HEMK2: variants seen among roughly 807,000 people sequenced by gnomAD.
The protein encoded by HEMK2 is HemK methyltransferase 2, ETF1 glutamine and histone H4 lysine.
the HEMK2 span, among the ~76,000 whole-genome samples, chr21:28,824,841 A>G: frequency 6.6e-6 from 1 of 151,998 alleles, no homozygotes; most frequent in Non-Finnish European, 1.5e-5. Context: ...CTATTTCTCC[A>G]TTTTTCTGTC....
the HEMK2 span, among the ~76,000 whole-genome samples, chr21:28,786,874 T>C: frequency 1.3e-5 from 2 of 152,140 alleles, no homozygotes; most frequent in Non-Finnish European, 2.9e-5. Flanking sequence ...ACAAATTCAA[T>C]GCAATCTCCA....
chr21:28,608,411 C>T, the HEMK2 span, among the ~76,000 whole-genome samples: 1 of 149,686 alleles, frequency 6.7e-6, no homozygotes, highest in South Asian at 2.1e-4. Context: ...AAAAGAAATG[C>T]GATACCAGAA....
At chr21:28,687,209 T>C in the HEMK2 span, among the ~76,000 whole-genome samples, 1,021 of 152,332 alleles carry the variant, frequency 6.7e-3, 11 homozygotes, top group African/African-American at 0.023. Flanking sequence ...TACTTTAAAG[T>C]AAATTACAGA....
At chr21:28,854,719 C>A in the HEMK2 span, among the ~76,000 whole-genome samples, 1 of 152,146 alleles carries the variant, frequency 6.6e-6, no homozygotes, top group East Asian at 1.9e-4. Flanking sequence ...AGGCCAGTTT[C>A]TCTTTTCACA....
At chr21:28,628,907 T>C in the HEMK2 span, among the ~76,000 whole-genome samples, 35 of 152,352 alleles carry the variant, frequency 2.3e-4, no homozygotes, top group South Asian at 7.0e-3. Flanking sequence ...CATAATTTAT[T>C]GAGCTTGCAG....
chr21:28,576,819 C>T, the HEMK2 span, among the ~76,000 whole-genome samples: 1 of 152,022 alleles, frequency 6.6e-6, no homozygotes, highest in South Asian at 2.1e-4. Flanking sequence ...CAAGCAATTC[C>T]CCTGTCTCCA....
the HEMK2 span, among the ~76,000 whole-genome samples, chr21:28,675,174 T>C: frequency 6.6e-6 from 1 of 152,228 alleles, no homozygotes; most frequent in South Asian, 2.1e-4. Flanking sequence ...GTCTTCCTCA[T>C]ACAAGATAGA....
At chr21:28,583,218 T>C in the HEMK2 span, among the ~76,000 whole-genome samples, 1 of 152,324 alleles carries the variant, frequency 6.6e-6, no homozygotes, top group Non-Finnish European at 1.5e-5. Flanking sequence ...TTAATGATTA[T>C]AAAATAAAAA....
chr21:28,782,754 G>T, the HEMK2 span, among the ~76,000 whole-genome samples: 1 of 152,148 alleles, frequency 6.6e-6, no homozygotes, highest in African/African-American at 2.4e-5. Context: ...TTGTAGAAAT[G>T]ATTGTGCTGA....
chr21:28,631,823 C>T, the HEMK2 span, among the ~76,000 whole-genome samples: 1 of 151,638 alleles, frequency 6.6e-6, no homozygotes, highest in East Asian at 1.9e-4. Context: ...GGAGCCTAAC[C>T]TCTTAGATTT....
the HEMK2 span, among the ~76,000 whole-genome samples, chr21:28,792,212 T>C: frequency 6.6e-6 from 1 of 152,114 alleles, no homozygotes; most frequent in Non-Finnish European, 1.5e-5. Flanking sequence ...GTTTAGCATA[T>C]GATCAAAAAA....
chr21:28,850,370 G>A, the HEMK2 span, among the ~76,000 whole-genome samples: 3 of 151,782 alleles, frequency 2.0e-5, no homozygotes, highest in Non-Finnish European at 4.4e-5. Context: ...GACTACAGGC[G>A]CCCGCCACCA....
At chr21:28,746,390 T>C in the HEMK2 span, among the ~76,000 whole-genome samples, 4 of 152,176 alleles carry the variant, frequency 2.6e-5, no homozygotes, top group African/African-American at 7.2e-5. Context: ...ACATAAAGCA[T>C]AGACATAGCA....
At chr21:28,884,721 T>C in the HEMK2 span, among the ~76,000 whole-genome samples, 1 of 152,220 alleles carries the variant, frequency 6.6e-6, no homozygotes, top group African/African-American at 2.4e-5. Context: ...TAGAGTATGC[T>C]ATTCAGTGGG....
At chr21:28,581,213 C>T in the HEMK2 span, among the ~76,000 whole-genome samples, 2 of 146,594 alleles carry the variant, frequency 1.4e-5, no homozygotes, top group East Asian at 3.9e-4. Context: ...CAGTTTGGTG[C>T]AAAAGTATGG....
At chr21:28,634,586 T>C in the HEMK2 span, among the ~76,000 whole-genome samples, 434 of 152,294 alleles carry the variant, frequency 2.8e-3, 4 homozygotes, top group Middle Eastern at 0.014. Context: ...CTGTGTATTC[T>C]TGTACTCTCT....
At chr21:28,831,322 T>C in the HEMK2 span, among the ~76,000 whole-genome samples, 34,874 of 150,224 alleles carry the variant, frequency 0.23, 5,710 homozygotes, top group African/African-American at 0.46. Flanking sequence ...AGCGGGCGCC[T>C]GTAATCCCAG....
chr21:28,796,515 A>C, the HEMK2 span, among the ~76,000 whole-genome samples: 2 of 152,204 alleles, frequency 1.3e-5, no homozygotes, highest in Non-Finnish European at 2.9e-5. Flanking sequence ...AGCTTCAGTC[A>C]GAGGCTATTA....
the HEMK2 span, among the ~76,000 whole-genome samples, chr21:28,646,341 C>T: frequency 4.6e-5 from 7 of 152,068 alleles, no homozygotes; most frequent in African/African-American, 7.2e-5. Context: ...ATGCCCTATC[C>T]CTGCTTCATA....
Sources: gnomAD v4.1 joint callset for allele counts (sites outside exome capture counted in the v4.1 genomes callset) on GRCh38, gnomAD v4.1.1 for gene constraint, MANE v1.5 for transcripts, NCBI Gene and HGNC (gene_info 2026-07-23, HGNC 2026-07-21) for gene names.